The following GRID2 variants were observed in gnomAD, a reference collection of about 807,000 sequenced individuals.
GRID2 encodes the protein glutamate receptor ionotropic, delta-2.
In GRID2, 33 loss-of-function variants were observed where a neutral mutation model predicts 114.8. The observed-to-expected ratio is 0.29, with a 90% CI of 0.22 to 0.38. The LOEUF (loss-of-function observed/expected upper bound fraction) is 0.38. Among genes scored for constraint, GRID2 ranks in the 10% least tolerant of loss-of-function variants. The pLI is 1.00. For synonymous variants in GRID2, 505 were observed against 449.9 expected (o/e 1.12, Z -1.55); for missense variants, 1,184 against 1,257.7 (o/e 0.94, Z 0.89).
chr4:93,040,741 C>A (rs937767446), intron 2 of GRID2, among the ~76,000 whole-genome samples: 8 of 152,066 alleles, frequency 5.3e-5, no homozygotes, highest in Non-Finnish European at 1.2e-4. Flanking sequence ...ATAATGAATA[C>A]CTGTTGTTAG....
chr4:92,873,977 G>C lies in GRID2; in HGVS notation c.245-211018G>C, dbSNP rs185228144. Among the ~76,000 whole-genome samples the C allele has an allele frequency of 3.4e-3, 525 of 152,220 alleles. 2 individuals are homozygous for C. The highest frequency in any genetic ancestry group is 5.8e-3 in the Non-Finnish European group (392 of 68,010). ...GATCCACCTGCCTCGGCCTCCCAAA[G>C]TGCTGGGATTACAGGTGTCAGCCAC... On this transcript the variant is annotated intron_variant, in intron 2 of 15. Coordinates refer to ENST00000282020, the MANE Select transcript of GRID2 (RefSeq NM_001510.4).
chr4:92,465,567 T>G (rs186890219), intron 1 of GRID2, among the ~76,000 whole-genome samples: 195 of 152,236 alleles, frequency 1.3e-3, no homozygotes, highest in African/African-American at 4.6e-3. Flanking sequence ...GCACTTTCTT[T>G]GTAGTTTGCT....
At chr4:92,943,670 T>A (rs1433594641) in intron 2 of GRID2, among the ~76,000 whole-genome samples, 1 of 152,208 alleles carries the variant, frequency 6.6e-6, no homozygotes, top group Non-Finnish European at 1.5e-5. Context: ...TTTCAGAGTT[T>A]CCAGTTTTTC....
chr4:92,694,005 A>C (rs1374175090), intron 2 of GRID2, among the ~76,000 whole-genome samples: 1 of 152,176 alleles, frequency 6.6e-6, no homozygotes, highest in Non-Finnish European at 1.5e-5. Flanking sequence ...GATGTGGACT[A>C]TCCTTTTGAC....
At chr4:92,529,645 T>G (rs1038263689) in intron 1 of GRID2, among the ~76,000 whole-genome samples, 1 of 152,106 alleles carries the variant, frequency 6.6e-6, no homozygotes, top group Admixed American at 6.6e-5. Flanking sequence ...TAAGCAGGGA[T>G]TGGGTTGTGA....
At chr4:93,250,454 C>T (rs1368341248) in intron 8 of GRID2, among the ~76,000 whole-genome samples, 1 of 151,644 alleles carries the variant, frequency 6.6e-6, no homozygotes, top group Non-Finnish European at 1.5e-5. Flanking sequence ...TGTAACAAAC[C>T]TGCAAGTTCT....
At chr4:93,510,348 G>T (rs906094618) in intron 12 of GRID2, among the ~76,000 whole-genome samples, 1 of 152,108 alleles carries the variant, frequency 6.6e-6, no homozygotes, top group Non-Finnish European at 1.5e-5. Context: ...GGACAGAGAG[G>T]TTTATGAGAG....
At chr4:92,583,353 A>G (rs1199193966) in intron 1 of GRID2, among the ~76,000 whole-genome samples, 1 of 151,982 alleles carries the variant, frequency 6.6e-6, no homozygotes, top group African/African-American at 2.4e-5. Flanking sequence ...ATATTTGCTA[A>G]TTGTCATGAA....
At position 93,749,676 on chromosome 4, in the gene GRID2, C is replaced by T. The variant is rs548360674; in HGVS notation, c.2361-19534C>T. On this transcript the variant is annotated intron_variant, in intron 14 of 15. Coordinates refer to ENST00000282020, the MANE Select transcript of GRID2 (RefSeq NM_001510.4). ...CATAAAGCCTTAGTCAAATAGCCAC[C>T]TCCGCTATGACACTTTCTTTGACCA... 8.4e-4 allele frequency among the ~76,000 whole-genome samples: 128 copies of T among 152,286 alleles called. No homozygotes were observed. The Middle Eastern group carries it at 0.014, about 16-fold the overall frequency.
chr4:92,918,268 T>C (rs1428361594), intron 2 of GRID2, among the ~76,000 whole-genome samples: 2 of 152,148 alleles, frequency 1.3e-5, no homozygotes, highest in African/African-American at 2.4e-5. Flanking sequence ...CGATGGGATT[T>C]TCTAGATATA....
chr4:93,736,250 G>T (rs1730916438), intron 14 of GRID2, among the ~76,000 whole-genome samples: 1 of 151,948 alleles, frequency 6.6e-6, no homozygotes, highest in African/African-American at 2.4e-5. Context: ...TGACTTAATA[G>T]AAATGTCCTT....
chr4:93,400,028 G>A (rs1346818560), intron 9 of GRID2, among the ~76,000 whole-genome samples: 1 of 152,008 alleles, frequency 6.6e-6, no homozygotes, highest in East Asian at 1.9e-4. Context: ...TAAAAATAGG[G>A]TACATAAGAG....
chr4:92,621,568 G>A (rs1730276457), intron 2 of GRID2, among the ~76,000 whole-genome samples: 1 of 151,646 alleles, frequency 6.6e-6, no homozygotes, highest in African/African-American at 2.4e-5. Context: ...AGCTGAGGTG[G>A]GAGGATTGTA....
At chr4:92,405,810 G>A (rs1021841284) in intron 1 of GRID2, among the ~76,000 whole-genome samples, 13 of 151,700 alleles carry the variant, frequency 8.6e-5, no homozygotes, top group Admixed American at 5.9e-4. Flanking sequence ...TTAGAAATAC[G>A]GTATAAATCA....
intron 10 of GRID2, among the ~76,000 whole-genome samples, chr4:93,424,069 A>C (rs1022465945): frequency 6.6e-6 from 1 of 152,106 alleles, no homozygotes; most frequent in South Asian, 2.1e-4. Flanking sequence ...GTACTACTTC[A>C]CATAAAAAGT....
In GRID2 at chr4:92,475,114, T is replaced by TGTA. The variant is rs1553939208; in HGVS notation, c.89-115017_89-115016insGTA. 7.5e-5 allele frequency among the ~76,000 whole-genome samples: 10 copies of TGTA among 132,680 alleles called. No individual in the cohort carries two copies. In the East Asian group the frequency reaches 1.9e-3, roughly 25 times the overall value. The allele number at this position is 132,680 out of a possible 152,430, so 87.0% of individuals were successfully genotyped here. On this transcript the variant is annotated intron_variant, in intron 1 of 15. Coordinates refer to ENST00000282020, the MANE Select transcript of GRID2 (RefSeq NM_001510.4). ...TGCATATGTACCCTAAAACTTAAAG[T>TGTA]ATAATAATAATAATAAATAATAATA...
intron 13 of GRID2, among the ~76,000 whole-genome samples, chr4:93,518,190 G>A (rs903365452): frequency 3.3e-5 from 5 of 151,250 alleles, no homozygotes; most frequent in Admixed American, 2.7e-4. Context: ...TTCCATTAAT[G>A]TCTCAGTCTG....
chr4:92,817,805 T>G (rs1741007435), intron 2 of GRID2, among the ~76,000 whole-genome samples: 1 of 152,002 alleles, frequency 6.6e-6, no homozygotes, highest in Admixed American at 6.6e-5. Context: ...GTGTTGAGAT[T>G]ATAGGTGTGA....
intron 2 of GRID2, among the ~76,000 whole-genome samples, chr4:92,941,395 C>T (rs1042242164): frequency 2.0e-5 from 3 of 152,102 alleles, no homozygotes; most frequent in African/African-American, 7.2e-5. Flanking sequence ...GTCTGTATTT[C>T]TTTGGGATTG....
Sources: allele counts gnomAD v4.1 joint callset (sites outside exome capture counted in the v4.1 genomes callset), GRCh38; gene constraint gnomAD v4.1.1; transcripts MANE v1.5; gene names NCBI Gene and HGNC (gene_info 2026-07-23, HGNC 2026-07-21).